Variants in FGD6 observed in about 807,000 individuals in gnomAD.
FGD6 encodes FYVE, RhoGEF and PH domain-containing protein 6.
Under a neutral mutation model 149.4 loss-of-function variants are expected in FGD6, and 90 were observed. The observed-to-expected ratio is 0.60, with a 90% confidence interval of 0.51 to 0.72. The LOEUF (loss-of-function observed/expected upper bound fraction) is 0.72, where lower values mean the gene tolerates loss of function less well. Ranked by LOEUF, FGD6 falls within the 30% of genes least tolerant of loss-of-function variation. FGD6 has a pLI of 0.00. For synonymous variants in FGD6, 527 were observed against 584.0 expected, an observed-to-expected ratio of 0.90 and a Z score of 1.41; for missense variants, 1,437 against 1,684.8, an observed-to-expected ratio of 0.85 and a Z score of 2.57.
intron 5 of FGD6, among the ~76,000 whole-genome samples, chr12:95,143,979 G>C (rs767977392): frequency 6.6e-6 from 1 of 152,166 alleles, no homozygotes; most frequent in Non-Finnish European, 1.5e-5. Context: ...CAGTTGGAAG[G>C]TATTTCCTCT....
intron 7 of FGD6, among the ~76,000 whole-genome samples, chr12:95,135,093 C>T (rs985881969): frequency 6.6e-6 from 1 of 152,180 alleles, no homozygotes; most frequent in African/African-American, 2.4e-5. Flanking sequence ...TCTCAAAGAG[C>T]GTGGTAGCCA....
chr12:95,131,917 G>A (rs188194334), intron 8 of FGD6, among the ~76,000 whole-genome samples: 18 of 152,278 alleles, frequency 1.2e-4, no homozygotes, highest in African/African-American at 4.3e-4. Context: ...GCAGGTGCCT[G>A]TAATCCCAGC....
rs985860579 is a variant in FGD6 at position 95,088,699 on chromosome 12, G to A, written c.3978+870C>T. 8.5e-5 allele frequency among the ~76,000 whole-genome samples: 13 copies of A among 152,168 alleles called. No homozygotes were observed. In the South Asian group the frequency reaches 1.7e-3, roughly 19 times the overall value. On this transcript the variant is annotated intron_variant, in intron 18 of 20. Coordinates refer to ENST00000343958, the MANE Select transcript of FGD6 (RefSeq NM_018351.4). ...ACAACCCAATATTCAACAAGAGATG[G>A]GTGGATAAACTGTGGTATACACAAA...
Position 95,137,522 on chromosome 12 carries a change from C to T in FGD6, c.2994G>A (p.Glu998=), listed in dbSNP as rs1427383960. ...TTCAACATTAGATAGTAGCAAATAC[C>T]TCAAATTCTCTAACAACAGCAGCAA... The part of the protein sequence containing the change: ...PGFAAVVREF[E]MSPRCANLAL... Residue 998 remains glutamate, a splice_region_variant and synonymous_variant, in exon 7 of 21, where the codon GAG becomes GAA. Coordinates refer to ENST00000343958, the MANE Select transcript of FGD6 (RefSeq NM_018351.4). The T allele has an allele frequency of 1.3e-6, 2 of 1,567,258 alleles. No homozygotes were observed. The highest frequency in any genetic ancestry group is 1.7e-6 in the Non-Finnish European group (2 of 1,157,504).
intron 2 of FGD6, among the ~76,000 whole-genome samples, chr12:95,201,990 ACACACACACATCT>A (rs1220771643): frequency 3.2e-5 from 4 of 125,450 alleles, no homozygotes; most frequent in African/African-American, 9.5e-5. Flanking sequence ...ACACACACAC[ACACACACACATCT>A]TCTTCTTCCA....
chr12:95,142,005 G>A (rs928111620), intron 5 of FGD6, among the ~76,000 whole-genome samples: 15 of 152,028 alleles, frequency 9.9e-5, no homozygotes, highest in Admixed American at 9.8e-4. Flanking sequence ...CCTAGGTGAG[G>A]CATGTGGAGA....
At chr12:95,121,481 G>GTATATATATA (rs71830420) in intron 8 of FGD6, among the ~76,000 whole-genome samples, 10 of 121,910 alleles carry the variant, frequency 8.2e-5, no homozygotes, top group Non-Finnish European at 1.5e-4. Context: ...ATATATATAT[G>GTATATATATA]TATATATATA....
chr12:95,198,102 T>C (rs1226001905), intron 2 of FGD6, among the ~76,000 whole-genome samples: 1 of 152,188 alleles, frequency 6.6e-6, no homozygotes, highest in Non-Finnish European at 1.5e-5. Context: ...TTGTGGTCCC[T>C]TGGGTAGAAG....
rs140330894 is a variant in FGD6 at position 95,123,111 on chromosome 12, G to T, written c.3083-9410C>A. Among the ~76,000 whole-genome samples, 536 of 150,908 alleles carry T rather than the reference G, an allele frequency of 3.6e-3. 2 individuals carry two copies. Among genetic ancestry groups the T allele is most frequent in the Non-Finnish European group, 4.5e-3 (306 of 67,872 alleles). ...GGTTGCCTTTCTGTGAATTAGAAAA[G>T]GTCCCTTTCCTGGGCCAATGCACCC... On this transcript the variant is annotated intron_variant, in intron 8 of 20. Transcript: ENST00000343958.
chr12:95,199,603 G>A (rs927266183), intron 2 of FGD6, among the ~76,000 whole-genome samples: 2 of 148,376 alleles, frequency 1.3e-5, no homozygotes, highest in Admixed American at 6.8e-5. Flanking sequence ...ATTAAGTAGT[G>A]GAAAAGCTAC....
At chr12:95,169,390 T>TA (rs78855983) in intron 3 of FGD6, among the ~76,000 whole-genome samples, 2 of 149,890 alleles carry the variant, frequency 1.3e-5, no homozygotes, top group South Asian at 2.1e-4. Flanking sequence ...AATAGTCCTT[T>TA]AAAAAAAAAA....
chr12:95,209,983 G>C lies in FGD6; in HGVS notation c.1301C>G (p.Ser434Cys). The change falls in exon 2 of 21, where the codon TCT (serine) becomes TGT (cysteine). Residue 434 changes from serine to cysteine, a missense_variant. Around this residue, in one of 2 missense-constraint regions of FGD6, gnomAD observed 1,055 missense variants for 1,146.0 expected, o/e 0.92. Transcript: ENST00000343958. ...LSSDSTTVDG[S>C]SMSLAVDEGT... ...TTCGTCCACAGCAAGCGACATACTA[G>C]AACCATCTACAGTTGTGCTGTCAGA... 1 of 1,613,090 alleles carries C rather than the reference G, an allele frequency of 6.2e-7. No homozygotes were observed. Among genetic ancestry groups the C allele is most frequent in the Non-Finnish European group, 8.5e-7 (1 of 1,179,738 alleles).
chr12:95,176,765 A>G (rs1881145323), intron 2 of FGD6, among the ~76,000 whole-genome samples: 1 of 152,202 alleles, frequency 6.6e-6, no homozygotes, highest in Non-Finnish European at 1.5e-5. Flanking sequence ...CTTTCAGGTA[A>G]TAAGTCACAA....
chr12:95,081,420 C>G lies in FGD6; in HGVS notation c.*100G>C. Reference sequence around the variant, plus strand: ...TGATGAAGGGTCTGGTTGGCTTTATCTTGGCAGTGTTCATTTTTATACAAT... The same window carrying G: ...TGATGAAGGGTCTGGTTGGCTTTATGTTGGCAGTGTTCATTTTTATACAAT... On this transcript the variant is annotated 3_prime_UTR_variant, in exon 21 of 21. Transcript: ENST00000343958. The G allele has an allele frequency of 9.6e-7, 1 of 1,045,394 alleles. No individual in the cohort carries two copies. Among genetic ancestry groups the G allele is most frequent in the South Asian group, 2.3e-5 (1 of 43,614 alleles). 64.8% of individuals were successfully genotyped at this position (1,045,394 alleles called of 1,614,324 possible). A position where few individuals can be genotyped will look rare whatever the true frequency, so the allele number is the denominator to read the frequency against.
chr12:95,138,475 T>C (rs1022124695), intron 6 of FGD6, among the ~76,000 whole-genome samples: 2 of 140,866 alleles, frequency 1.4e-5, no homozygotes, highest in African/African-American at 5.3e-5. Context: ...ACCCGGTAGG[T>C]AGAGGTTGCA....
At chr12:95,199,251 T>TA (rs1881804789) in intron 2 of FGD6, among the ~76,000 whole-genome samples, 1 of 152,204 alleles carries the variant, frequency 6.6e-6, no homozygotes, top group South Asian at 2.1e-4. Flanking sequence ...GTTGCATCAG[T>TA]GAGTGAAGAG....
At chr12:95,148,187 C>G (rs1880069672) in intron 5 of FGD6, among the ~76,000 whole-genome samples, 1 of 148,056 alleles carries the variant, frequency 6.8e-6, no homozygotes, top group Admixed American at 6.9e-5. Flanking sequence ...TCACAAGACT[C>G]AAAAGTCAGG....
At chr12:95,101,265 C>T (rs4762479) in intron 14 of FGD6, among the ~76,000 whole-genome samples, 12,190 of 151,960 alleles carry the variant, frequency 0.08, 588 homozygotes, top group East Asian at 0.15. Flanking sequence ...AAGAATTGCT[C>T]GAACCCGGGA....
chr12:95,161,465 C>T (rs1020700460), intron 3 of FGD6, among the ~76,000 whole-genome samples: 1 of 152,196 alleles, frequency 6.6e-6, no homozygotes, highest in African/African-American at 2.4e-5. Context: ...CACTGTACTC[C>T]AGCCTGGGCA....
Sources: allele counts gnomAD v4.1 joint callset (sites outside exome capture counted in the v4.1 genomes callset), GRCh38; gene constraint gnomAD v4.1.1; regional missense constraint gnomAD v4.1.1; transcripts MANE v1.5; gene names NCBI Gene and HGNC (gene_info 2026-07-23, HGNC 2026-07-21).